The following NCAM2 variants were observed in gnomAD, a reference collection of about 807,000 sequenced individuals.
NCAM2 encodes the protein neural cell adhesion molecule 2, also known as N-CAM-2.
In NCAM2, 30 loss-of-function variants were observed where a neutral mutation model predicts 98.1. The ratio of observed to expected loss-of-function variants is 0.31; its 90% CI spans 0.23 to 0.41. The LOEUF is 0.41. Among genes scored for constraint, NCAM2 ranks in the 10% least tolerant of loss-of-function variants. The pLI, the probability that NCAM2 is intolerant of heterozygous loss-of-function variation, is 1.00. For synonymous variants in NCAM2, 368 were observed against 342.4 expected, an observed-to-expected ratio of 1.07 and a Z score of -0.83; for missense variants, 867 against 1,005.8, an observed-to-expected ratio of 0.86 and a Z score of 1.87.
rs182723751 is a variant in NCAM2, at chr21:21,202,001, A to G, written c.56-78577A>G. Reference sequence around the variant, plus strand: ...GTATCTGGGATGAGGTCTATGCATCAGTGTCGCTTAAATGTTTCTTGCAAG... The same window carrying G: ...GTATCTGGGATGAGGTCTATGCATCGGTGTCGCTTAAATGTTTCTTGCAAG... On this transcript the variant is annotated intron_variant, in intron 1 of 17. Coordinates refer to ENST00000400546, the MANE Select transcript of NCAM2 (RefSeq NM_004540.5). Among the ~76,000 whole-genome samples, 133 of 152,284 alleles carry G rather than the reference A, an allele frequency of 8.7e-4. 1 individual carries two copies. The highest frequency in any genetic ancestry group is 3.1e-3 in the African/African-American group (130 of 41,562).
chr21:21,356,859 A>C (rs1418011245), intron 8 of NCAM2, among the ~76,000 whole-genome samples: 1 of 152,030 alleles, frequency 6.6e-6, no homozygotes, highest in Non-Finnish European at 1.5e-5. Context: ...GCGTGGTGGC[A>C]CATGCCTGTA....
At chr21:21,466,307 TTTTGGATA>T (rs1346316398) in intron 12 of NCAM2, among the ~76,000 whole-genome samples, 2 of 151,944 alleles carry the variant, frequency 1.3e-5, no homozygotes, top group Non-Finnish European at 2.9e-5. Flanking sequence ...CATTCTTGGT[TTTTGGATA>T]TTAAAAAGAT....
intron 1 of NCAM2, among the ~76,000 whole-genome samples, chr21:21,071,757 A>G (rs569542477): frequency 6.6e-6 from 1 of 152,332 alleles, no homozygotes; most frequent in Non-Finnish European, 1.5e-5. Context: ...TTAAAATGGC[A>G]TTTTAATAAG....
chr21:21,269,141 C>A (rs914048893), intron 1 of NCAM2, among the ~76,000 whole-genome samples: 1 of 152,174 alleles, frequency 6.6e-6, no homozygotes, highest in Non-Finnish European at 1.5e-5. Context: ...CTTTCCCTAT[C>A]TTTATGAATA....
chr21:21,260,753 T>C (rs1487692811), intron 1 of NCAM2, among the ~76,000 whole-genome samples: 3 of 152,112 alleles, frequency 2.0e-5, no homozygotes, highest in Non-Finnish European at 4.4e-5. Context: ...AATAAAAGCA[T>C]ATGTAAGTAC....
rs546821716 is a variant in NCAM2, at chr21:21,356,053, C to A, written c.1044+17519C>A. Among the ~76,000 whole-genome samples, 4 of 152,232 alleles carry A rather than the reference C, an allele frequency of 2.6e-5. No homozygotes were observed. The East Asian group carries it at 7.7e-4, about 29-fold the overall frequency. Reference sequence around the variant, plus strand: ...ATAGTATTTCCTCCACGAATTTAGACACAATGATCTGAAGAATACATACTT... The same window carrying A: ...ATAGTATTTCCTCCACGAATTTAGAAACAATGATCTGAAGAATACATACTT... On this transcript the variant is annotated intron_variant, in intron 8 of 17. Transcript: ENST00000400546.
At chr21:21,324,137 G>A (rs2074447590) in intron 5 of NCAM2, among the ~76,000 whole-genome samples, 1 of 151,856 alleles carries the variant, frequency 6.6e-6, no homozygotes, top group African/African-American at 2.4e-5. Context: ...TGGACATTTG[G>A]ACATATGTAA....
chr21:21,502,885 A>T (rs895327884), intron 15 of NCAM2, among the ~76,000 whole-genome samples: 104 of 151,960 alleles, frequency 6.8e-4, no homozygotes, highest in Admixed American at 6.8e-3. Context: ...TCCTGAAATT[A>T]ATTTTCAGTC....
At chr21:21,032,994 G>A (rs2064720944) in intron 1 of NCAM2, among the ~76,000 whole-genome samples, 1 of 151,490 alleles carries the variant, frequency 6.6e-6, no homozygotes, top group African/African-American at 2.4e-5. Context: ...GCCCAGGCTG[G>A]AGTGCAATGG....
intron 1 of NCAM2, among the ~76,000 whole-genome samples, chr21:21,207,246 G>A (rs755770535): frequency 6.6e-5 from 10 of 152,084 alleles, no homozygotes; most frequent in South Asian, 6.2e-4. Context: ...AAGCTTTAGC[G>A]TTCTCGAGCT....
chr21:21,020,409 C>G (rs183174353), intron 1 of NCAM2, among the ~76,000 whole-genome samples: 1 of 152,156 alleles, frequency 6.6e-6, no homozygotes, highest in African/African-American at 2.4e-5. Flanking sequence ...TGACATTACT[C>G]GAACTGTTGT....
intron 14 of NCAM2, among the ~76,000 whole-genome samples, chr21:21,469,082 T>G (rs1262716772): frequency 6.6e-6 from 1 of 152,012 alleles, no homozygotes; most frequent in Non-Finnish European, 1.5e-5. Context: ...GACAAGCTTC[T>G]CATTTTATTT....
chr21:21,112,682 A>G (rs542630584), intron 1 of NCAM2, among the ~76,000 whole-genome samples: 8 of 152,326 alleles, frequency 5.3e-5, no homozygotes, highest in African/African-American at 1.2e-4. Flanking sequence ...GTCTGTCACC[A>G]TCAGGCCTTA....
At chr21:21,484,960 T>TG (rs989236501) in intron 15 of NCAM2, among the ~76,000 whole-genome samples, 6 of 152,166 alleles carry the variant, frequency 3.9e-5, no homozygotes, top group South Asian at 2.1e-4. Flanking sequence ...GGCCATACTT[T>TG]TTAAAAATCA....
chr21:21,327,768 G>C (rs951407838), intron 6 of NCAM2, among the ~76,000 whole-genome samples: 4 of 152,116 alleles, frequency 2.6e-5, no homozygotes, highest in Non-Finnish European at 5.9e-5. Flanking sequence ...CATTCTGGGG[G>C]TTAGGACACC....
At chr21:21,531,463 T>G (rs1174063649) in intron 16 of NCAM2, among the ~76,000 whole-genome samples, 1 of 78,948 alleles carries the variant, frequency 1.3e-5, no homozygotes, top group Non-Finnish European at 2.5e-5. Flanking sequence ...CCATCTTTGT[T>G]TTATTAACTA....
chr21:21,148,671 G>T (rs2067360990), intron 1 of NCAM2, among the ~76,000 whole-genome samples: 1 of 152,124 alleles, frequency 6.6e-6, no homozygotes, highest in Non-Finnish European at 1.5e-5. Flanking sequence ...GCAGTAAGAA[G>T]TATTCATAAG....
intron 1 of NCAM2, among the ~76,000 whole-genome samples, chr21:21,099,865 T>C (rs903173627): frequency 2.0e-5 from 3 of 151,798 alleles, no homozygotes; most frequent in Non-Finnish European, 4.4e-5. Context: ...TCTACACTAC[T>C]GACCGTACCT....
chr21:21,139,612 TAG>T (rs1218908861), intron 1 of NCAM2, among the ~76,000 whole-genome samples: 3 of 152,212 alleles, frequency 2.0e-5, no homozygotes, highest in Non-Finnish European at 2.9e-5. Context: ...ACATGTGATG[TAG>T]GATAAATATT....
Sources: gnomAD v4.1 joint callset for allele counts (sites outside exome capture counted in the v4.1 genomes callset) on GRCh38, gnomAD v4.1.1 for gene constraint, MANE v1.5 for transcripts, NCBI Gene and HGNC (gene_info 2026-07-23, HGNC 2026-07-21) for gene names.